The following NOX4 variants were observed in gnomAD, a reference collection of about 807,000 sequenced individuals.
NOX4 encodes the protein kidney oxidase-1.
In NOX4, 69 loss-of-function variants were observed where a neutral mutation model predicts 87.6. The observed-to-expected ratio is 0.79, with a 90% CI of 0.65 to 0.96. The LOEUF (loss-of-function observed/expected upper bound fraction) is 0.96, where lower values mean the gene tolerates loss of function less well. Ranked by LOEUF, NOX4 falls within the 40% of genes least tolerant of loss-of-function variation. NOX4 has a pLI of 0.00. For synonymous variants in NOX4, 275 were observed against 238.2 expected, an observed-to-expected ratio of 1.15 and a Z score of -1.42; for missense variants, 680 against 681.5, an observed-to-expected ratio of 1.00 and a Z score of 0.02.
chr11:89,338,767 A>G (rs1210481628), intron 15 of NOX4, among the ~76,000 whole-genome samples: 1 of 152,116 alleles, frequency 6.6e-6, no homozygotes, highest in Non-Finnish European at 1.5e-5. Context: ...ATATGTGTCT[A>G]GTCTGCTCAT....
At chr11:89,578,377 G>T in the NOX4 span, among the ~76,000 whole-genome samples, 1 of 152,046 alleles carries the variant, frequency 6.6e-6, no homozygotes, top group Admixed American at 6.6e-5. Context: ...GGCCAGGATG[G>T]TCCCTATCTC....
the NOX4 span, among the ~76,000 whole-genome samples, chr11:89,508,409 C>T: frequency 6.6e-6 from 1 of 152,034 alleles, no homozygotes; most frequent in African/African-American, 2.4e-5. Flanking sequence ...TTTTAATCAC[C>T]AGTAACTCTG....
intron 2 of NOX4, chr11:89,488,978 G>A (rs1946738172): frequency 2.8e-6 from 2 of 702,512 alleles, no homozygotes; most frequent in Non-Finnish European, 5.2e-6. Flanking sequence ...GAAATGTATA[G>A]GTTTCAAGAC....
intron 17 of NOX4, among the ~76,000 whole-genome samples, chr11:89,329,715 A>G (rs2135360783): frequency 6.6e-6 from 1 of 152,202 alleles, no homozygotes; most frequent in South Asian, 2.1e-4. Flanking sequence ...CAATGAAGTG[A>G]TATCTTCAAA....
chr11:89,456,436 G>A (rs1243013535), intron 2 of NOX4, among the ~76,000 whole-genome samples: 1 of 152,156 alleles, frequency 6.6e-6, no homozygotes, highest in Admixed American at 6.6e-5. Context: ...ATACAGCCAG[G>A]AGGAACATCT....
chr11:89,565,904 C>G, the NOX4 span, among the ~76,000 whole-genome samples: 2 of 152,102 alleles, frequency 1.3e-5, no homozygotes, highest in African/African-American at 2.4e-5. Context: ...ATTAAGCCAA[C>G]CTTCCACTTC....
the NOX4 span, among the ~76,000 whole-genome samples, chr11:89,530,026 C>T: frequency 1.3e-5 from 2 of 152,020 alleles, no homozygotes; most frequent in African/African-American, 4.8e-5. Context: ...GTCCTAGCTA[C>T]CTTACATATT....
At chr11:89,458,772 C>A (rs1451915729) in intron 2 of NOX4, among the ~76,000 whole-genome samples, 3 of 152,032 alleles carry the variant, frequency 2.0e-5, no homozygotes, top group Admixed American at 6.6e-5. Flanking sequence ...TCACACCAGT[C>A]AGAATGGCTA....
At chr11:89,329,183 T>C (rs1339038448) in intron 17 of NOX4, among the ~76,000 whole-genome samples, 1 of 151,320 alleles carries the variant, frequency 6.6e-6, no homozygotes, top group East Asian at 1.9e-4. Context: ...GATGAGATGA[T>C]AAATGGAATA....
chr11:89,375,957 T>A (rs973821711), intron 11 of NOX4, among the ~76,000 whole-genome samples: 1 of 152,238 alleles, frequency 6.6e-6, no homozygotes, highest in Non-Finnish European at 1.5e-5. Flanking sequence ...TAATGCATTC[T>A]AAAATAAAAT....
intron 11 of NOX4, among the ~76,000 whole-genome samples, chr11:89,387,396 T>C (rs1019672389): frequency 6.6e-6 from 1 of 152,128 alleles, no homozygotes; most frequent in South Asian, 2.1e-4. Flanking sequence ...CACCTTTGAC[T>C]GTAATTTTCC....
chr11:89,401,696 G>C (rs1227717697), intron 9 of NOX4, among the ~76,000 whole-genome samples: 1 of 152,012 alleles, frequency 6.6e-6, no homozygotes, highest in African/African-American at 2.4e-5. Context: ...TCAAAGACCT[G>C]GGTTTACATG....
intron 8 of NOX4, among the ~76,000 whole-genome samples, chr11:89,420,464 C>T (rs1277337677): frequency 6.6e-6 from 1 of 151,920 alleles, no homozygotes; most frequent in Non-Finnish European, 1.5e-5. Flanking sequence ...TGCCCTGAGG[C>T]TCCAGAGAAT....
At chr11:89,434,631 T>C (rs986266431) in intron 6 of NOX4, among the ~76,000 whole-genome samples, 5 of 151,760 alleles carry the variant, frequency 3.3e-5, no homozygotes, top group South Asian at 4.2e-4. Flanking sequence ...GAAACAAACA[T>C]ATATCCATGC....
intron 15 of NOX4, among the ~76,000 whole-genome samples, chr11:89,338,813 C>T (rs184203157): frequency 1.3e-3 from 203 of 152,250 alleles, no homozygotes; most frequent in Non-Finnish European, 2.1e-3. Flanking sequence ...GGCATTATAG[C>T]ATTTTGTTTG....
chr11:89,460,444 T>C (rs1452305876), intron 2 of NOX4, among the ~76,000 whole-genome samples: 2 of 152,020 alleles, frequency 1.3e-5, no homozygotes, highest in Non-Finnish European at 2.9e-5. Context: ...GAATCTACGA[T>C]GAACTCAAAC....
chr11:89,436,922 T>C (rs151027791), intron 6 of NOX4, among the ~76,000 whole-genome samples: 37 of 152,226 alleles, frequency 2.4e-4, no homozygotes, highest in Admixed American at 1.5e-3. Flanking sequence ...TTTATGTCAC[T>C]TGTATAACCA....
At chr11:89,431,915 G>A (rs1226185496) in intron 7 of NOX4, among the ~76,000 whole-genome samples, 10 of 151,956 alleles carry the variant, frequency 6.6e-5, no homozygotes, top group South Asian at 2.1e-4. Flanking sequence ...TGTTTATTGC[G>A]GCACTATTCA....
intron 11 of NOX4, among the ~76,000 whole-genome samples, chr11:89,392,349 G>A (rs1389836514): frequency 2.0e-5 from 3 of 152,206 alleles, no homozygotes; most frequent in Non-Finnish European, 2.9e-5. Context: ...GGGGTGAGAT[G>A]TCCTTTGCTG....
Sources: allele counts gnomAD v4.1 joint callset (sites outside exome capture counted in the v4.1 genomes callset), GRCh38; gene constraint gnomAD v4.1.1; transcripts MANE v1.5; gene names NCBI Gene and HGNC (gene_info 2026-07-23, HGNC 2026-07-21).